CNKSR2: variants seen among roughly 807,000 people sequenced by gnomAD.
The protein encoded by CNKSR2 is CNK homolog protein 2.
Under a neutral mutation model 84.4 loss-of-function variants are expected in CNKSR2, and 14 were observed. The ratio of observed to expected loss-of-function variants is 0.17; its 90% confidence interval spans 0.11 to 0.26. CNKSR2 has a LOEUF of 0.26. Ranked by LOEUF, CNKSR2 falls within the 10% of genes least tolerant of loss-of-function variation. The pLI, the probability that CNKSR2 is intolerant of heterozygous loss-of-function variation, is 1.00. For missense variants in CNKSR2, 485 were observed against 771.2 expected, an observed-to-expected ratio of 0.63 and a Z score of 4.40; for synonymous variants, 275 against 277.9, an observed-to-expected ratio of 0.99 and a Z score of 0.10.
At chrX:21,613,592 ATAT>A (rs1187962354) in intron 20 of CNKSR2, among the ~76,000 whole-genome samples, 1 of 112,549 alleles carries the variant, frequency 8.9e-6, no homozygotes, top group Admixed American at 9.4e-5. Context: ...TCAGGCTGAA[ATAT>A]TATTGACACT....
chrX:21,621,484 T>C (rs2092601551), intron 20 of CNKSR2, among the ~76,000 whole-genome samples: 1 of 111,599 alleles, frequency 9.0e-6, no homozygotes, highest in African/African-American at 3.2e-5. Context: ...TTAATAATCC[T>C]CCAAAATTCT....
At chrX:21,510,629 C>A (rs1038511798) in intron 8 of CNKSR2, among the ~76,000 whole-genome samples, 1 of 111,370 alleles carries the variant, frequency 9.0e-6, no homozygotes, top group South Asian at 3.7e-4. Flanking sequence ...TTTTCCAGGA[C>A]CTGCCCACTT....
intron 1 of CNKSR2, among the ~76,000 whole-genome samples, chrX:21,383,570 C>T (rs1227584259): frequency 8.9e-6 from 1 of 111,856 alleles, no homozygotes; most frequent in Non-Finnish European, 1.9e-5. Flanking sequence ...GTTTACTTGG[C>T]ATTAATGTTC....
intron 4 of CNKSR2, among the ~76,000 whole-genome samples, chrX:21,464,254 T>C (rs1357157825): frequency 8.9e-6 from 1 of 111,927 alleles, no homozygotes; most frequent in Non-Finnish European, 1.9e-5. Flanking sequence ...CAGAGCTGAG[T>C]TTAATGCCTC....
At chrX:21,603,883 A>G (rs1014732492) in intron 18 of CNKSR2, among the ~76,000 whole-genome samples, 7 of 111,671 alleles carry the variant, frequency 6.3e-5, no homozygotes, top group Non-Finnish European at 1.1e-4. Flanking sequence ...TTGTGTCAAC[A>G]TGAGAAAATA....
chrX:21,568,829 G>A (rs1255035794), intron 13 of CNKSR2, among the ~76,000 whole-genome samples: 2 of 111,135 alleles, frequency 1.8e-5, no homozygotes, highest in African/African-American at 3.3e-5. Flanking sequence ...GGTAGAGCTA[G>A]GATTTGAACA....
At chrX:21,470,241 T>A in intron 4 of CNKSR2, among the ~76,000 whole-genome samples, 1 of 112,026 alleles carries the variant, frequency 8.9e-6, no homozygotes, top group Non-Finnish European at 1.9e-5. Flanking sequence ...AACTTGGTAA[T>A]TATTATTAGT....
At chrX:21,598,096 T>C in intron 17 of CNKSR2, among the ~76,000 whole-genome samples, 1 of 109,839 alleles carries the variant, frequency 9.1e-6, no homozygotes, top group Non-Finnish European at 1.9e-5. Flanking sequence ...TATTAAAATA[T>C]CACCTTCTAT....
intron 1 of CNKSR2, among the ~76,000 whole-genome samples, chrX:21,384,086 G>A (rs775449925): frequency 6.3e-5 from 7 of 111,472 alleles, no homozygotes; most frequent in Non-Finnish European, 1.1e-4. Context: ...TTCAAAACAG[G>A]CCATTGGGAT....
chrX:21,629,802 A>T lies in CNKSR2; in HGVS notation c.2693-19029A>T, dbSNP rs182052502. On this transcript the variant is annotated intron_variant, in intron 20 of 21. Coordinates refer to ENST00000379510, the MANE Select transcript of CNKSR2 (RefSeq NM_014927.5). ...GAGGGAAACACCCATTGATAGGGAA[A>T]ATAAATCCCATTTATATTAACAGTA... 3.6e-5 allele frequency among the ~76,000 whole-genome samples: 4 copies of T among 112,297 alleles called. No homozygotes were observed. In the Admixed American group the frequency reaches 3.8e-4, roughly 11 times the overall value.
intron 13 of CNKSR2, among the ~76,000 whole-genome samples, chrX:21,570,252 A>G (rs747919661): frequency 8.9e-6 from 1 of 112,887 alleles, no homozygotes; most frequent in South Asian, 3.7e-4. Context: ...CAATGATCTT[A>G]GCTAGATCTT....
At chrX:21,525,196 T>G (rs1177479635) in intron 9 of CNKSR2, among the ~76,000 whole-genome samples, 1 of 111,014 alleles carries the variant, frequency 9.0e-6, no homozygotes, top group African/African-American at 3.3e-5. Flanking sequence ...AAAATAGTTA[T>G]TTATTTCCTT....
At chrX:21,466,180 C>A (rs1393389195) in intron 4 of CNKSR2, among the ~76,000 whole-genome samples, 1 of 111,663 alleles carries the variant, frequency 9.0e-6, no homozygotes, top group African/African-American at 3.2e-5. Context: ...TGACTGGAAA[C>A]CCAGTCTTTA....
intron 8 of CNKSR2, among the ~76,000 whole-genome samples, chrX:21,512,281 G>A (rs2091680738): frequency 9.0e-6 from 1 of 111,191 alleles, no homozygotes; most frequent in African/African-American, 3.3e-5. Context: ...TAAAGGGTCG[G>A]GGGAGGAATT....
chrX:21,406,942 C>T lies in CNKSR2; in HGVS notation c.65-19555C>T, dbSNP rs765545260. On this transcript the variant is annotated intron_variant, in intron 1 of 21. Transcript: ENST00000379510. ...TAAAAAACGAAAGTTGTTCTTTATG[C>T]TGTCTTCTTTTTTTCTTAACAATTA... Among the ~76,000 whole-genome samples the T allele has an allele frequency of 8.9e-5, 10 of 111,735 alleles. No individual in the cohort carries two copies. The South Asian group carries it at 3.7e-3, about 42-fold the overall frequency.
At chrX:21,505,118 T>C (rs2091599640) in intron 8 of CNKSR2, 1 of 179,002 alleles carries the variant, frequency 5.6e-6, no homozygotes, top group Non-Finnish European at 1.0e-5. Flanking sequence ...TTATAATCTG[T>C]TCAATTTCAT....
Position 21,609,415 on chromosome X carries a change from G to C in CNKSR2, c.2490G>C (p.Glu830Asp). 1 of 1,211,517 alleles carries C rather than the reference G, an allele frequency of 8.3e-7. No individual in the cohort carries two copies. Among genetic ancestry groups the C allele is most frequent in the Non-Finnish European group, 1.1e-6 (1 of 895,498 alleles). The change falls in exon 20 of 22, where the codon GAG (glutamate) becomes GAC (aspartate). Residue 830 changes from glutamate to aspartate, a missense_variant. Glu to Asp is a conservative substitution (Grantham distance 45). This residue lies in a region of CNKSR2 where 210 missense variants were observed against 291.5 expected (regional missense o/e 0.72). Coordinates refer to ENST00000379510, the MANE Select transcript of CNKSR2 (RefSeq NM_014927.5). ...HYGPYPLAES[E>D]RMQVLNGNGG... ...GGCCATACCCCTTAGCTGAGAGTGA[G>C]AGGATGCAAGTGCTAAATGGAAATG... is the stretch of plus-strand genomic sequence containing the variant.
At chrX:21,597,714 A>G (rs1036680624) in intron 17 of CNKSR2, among the ~76,000 whole-genome samples, 1 of 110,494 alleles carries the variant, frequency 9.1e-6, no homozygotes, top group East Asian at 2.8e-4. Context: ...GTTACATAAC[A>G]GCAAGATGAT....
At chrX:21,385,862 C>T (rs747659127) in intron 1 of CNKSR2, among the ~76,000 whole-genome samples, 112 of 109,592 alleles carry the variant, frequency 1.0e-3, no homozygotes, top group African/African-American at 3.4e-3. Context: ...TGTGCGTGTG[C>T]GCGTGTGTAT....
Sources: gnomAD v4.1 joint callset for allele counts (sites outside exome capture counted in the v4.1 genomes callset) on GRCh38, gnomAD v4.1.1 for gene constraint, gnomAD v4.1.1 regional missense constraint, MANE v1.5 for transcripts, NCBI Gene and HGNC (gene_info 2026-07-23, HGNC 2026-07-21) for gene names.